The following LAMA2 variants were observed in gnomAD, a reference collection of about 807,000 sequenced individuals.
LAMA2 encodes laminin subunit alpha 2, also known as laminin subunit alpha-2.
Under a neutral mutation model 364.8 loss-of-function variants are expected in LAMA2, and 269 were observed. The ratio of observed to expected loss-of-function variants is 0.74; its 90% confidence interval spans 0.67 to 0.82. The LOEUF (loss-of-function observed/expected upper bound fraction) is 0.82, where lower values mean the gene tolerates loss of function less well. Ranked by LOEUF, LAMA2 falls within the 40% of genes least tolerant of loss-of-function variation. The probability of loss-of-function intolerance (pLI) is 0.00; values close to 1 mark genes in which losing one functional copy is unlikely to be tolerated. For synonymous variants in LAMA2, 1,379 were observed against 1,370.6 expected (o/e 1.01, Z -0.14); for missense variants, 3,807 against 3,873.2 (o/e 0.98, Z 0.45).
At chr6:129,133,582 A>C (rs1465188573) in intron 4 of LAMA2, among the ~76,000 whole-genome samples, 1 of 152,194 alleles carries the variant, frequency 6.6e-6, no homozygotes, top group Non-Finnish European at 1.5e-5. Context: ...TCCAGTTTGC[A>C]TACACACAAT....
intron 17 of LAMA2, among the ~76,000 whole-genome samples, chr6:129,278,678 A>G (rs1219630899): frequency 6.6e-6 from 1 of 152,278 alleles, no homozygotes; most frequent in South Asian, 2.1e-4. Context: ...TCTGCTGTTC[A>G]TCACAGCTAC....
rs560183075 is a variant in LAMA2 at position 129,452,851 on chromosome 6, G to A, written c.6430-137G>A. On this transcript the variant is annotated intron_variant, in intron 45 of 64. Coordinates refer to ENST00000421865, the MANE Select transcript of LAMA2 (RefSeq NM_000426.4). ...AATGAGTATAATGGTGTCTGCATAT[G>A]GGTGTTTAATGATAGTATTTGATGA... The A allele has an allele frequency of 6.7e-6, 5 of 746,364 alleles. No homozygotes were observed. In the East Asian group the frequency reaches 1.1e-4, roughly 16 times the overall value. 46.2% of individuals were successfully genotyped at this position (746,364 alleles called of 1,614,324 possible).
chr6:129,231,724 G>A (rs1784680246), intron 12 of LAMA2, among the ~76,000 whole-genome samples: 1 of 148,828 alleles, frequency 6.7e-6, no homozygotes, highest in Admixed American at 6.7e-5. Context: ...TTACATTGAT[G>A]ATTAAAATAG....
intron 28 of LAMA2, among the ~76,000 whole-genome samples, 160 bp from the exon 29 acceptor site, chr6:129,328,118 A>ACAC (rs1583502979): frequency 6.6e-6 from 1 of 152,232 alleles, no homozygotes; most frequent in African/African-American, 2.4e-5. Context: ...AGGAAGAAAT[A>ACAC]CACATTAAGT....
intron 1 of LAMA2, among the ~76,000 whole-genome samples, chr6:129,015,179 T>G (rs1280425277): frequency 6.6e-6 from 1 of 152,142 alleles, no homozygotes; most frequent in African/African-American, 2.4e-5. Context: ...AAAGTAGTCA[T>G]AATTAATTAT....
chr6:129,511,261 CTTTT>C (rs35249760), intron 62 of LAMA2, among the ~76,000 whole-genome samples: 1 of 151,816 alleles, frequency 6.6e-6, no homozygotes, highest in Non-Finnish European at 1.5e-5. Context: ...ATCACTGGGG[CTTTT>C]TTTTGGCCTC....
chr6:129,511,760 A>G (rs891310620), intron 62 of LAMA2, among the ~76,000 whole-genome samples: 2 of 86,678 alleles, frequency 2.3e-5, no homozygotes, highest in Non-Finnish European at 5.9e-5. Flanking sequence ...ATGGAAAATC[A>G]TAGAGGAAAG....
chr6:128,971,583 G>A (rs528314461), intron 1 of LAMA2, among the ~76,000 whole-genome samples: 59 of 152,274 alleles, frequency 3.9e-4, no homozygotes, highest in African/African-American at 1.4e-3. Context: ...TCCAGGCAGA[G>A]TGTCTAGAAG....
chr6:129,005,241 C>A (rs1447034585), intron 1 of LAMA2, among the ~76,000 whole-genome samples: 2 of 151,834 alleles, frequency 1.3e-5, no homozygotes. Context: ...TTTTAATTCT[C>A]CCTCTCTTCC....
chr6:128,924,757 T>C (rs1016193369), intron 1 of LAMA2, among the ~76,000 whole-genome samples: 2 of 152,200 alleles, frequency 1.3e-5, no homozygotes, highest in Admixed American at 1.3e-4. Context: ...GACTCCACTG[T>C]AGGCCAACCA....
chr6:129,244,731 A>G (rs1018226286), intron 12 of LAMA2, among the ~76,000 whole-genome samples: 26 of 152,174 alleles, frequency 1.7e-4, no homozygotes, highest in African/African-American at 5.8e-4. Flanking sequence ...GAGAGGGAAA[A>G]AAAAAGAGGC....
intron 12 of LAMA2, among the ~76,000 whole-genome samples, chr6:129,236,264 T>C: frequency 6.6e-6 from 1 of 152,214 alleles, no homozygotes; most frequent in South Asian, 2.1e-4. Flanking sequence ...AAGTTCTATT[T>C]CTGTGAGATA....
At position 129,038,108 on chromosome 6, in the gene LAMA2, A is replaced by G. The variant is rs180673500; in HGVS notation, c.113-11810A>G. ...GAAAATAAAGAGCACATTAAAAAAT[A>G]ACTAGATGGAAATTTTCACTGTGAA... On this transcript the variant is annotated intron_variant, in intron 1 of 64. Coordinates refer to ENST00000421865, the MANE Select transcript of LAMA2 (RefSeq NM_000426.4). 2.0e-5 allele frequency among the ~76,000 whole-genome samples: 3 copies of G among 152,346 alleles called. No homozygotes were observed. In the East Asian group the frequency reaches 5.8e-4, roughly 29 times the overall value.
intron 1 of LAMA2, among the ~76,000 whole-genome samples, chr6:129,014,432 G>A (rs536937402): frequency 6.6e-6 from 1 of 152,208 alleles, no homozygotes; most frequent in South Asian, 2.1e-4. Flanking sequence ...TATTTGTTGA[G>A]TACCAGAAAT....
chr6:129,469,291 C>T (rs9388708), intron 51 of LAMA2, among the ~76,000 whole-genome samples: 25,770 of 151,696 alleles, frequency 0.17, 2,370 homozygotes, highest in African/African-American at 0.24. Flanking sequence ...GAAGACAAAG[C>T]GAACAATTGG....
intron 40 of LAMA2, among the ~76,000 whole-genome samples, chr6:129,409,818 G>A (rs1780435971): frequency 6.6e-6 from 1 of 152,304 alleles, no homozygotes; most frequent in African/African-American, 2.4e-5. Context: ...GTCTGGACTT[G>A]TTGCAGAGCC....
intron 1 of LAMA2, 36 bp downstream of exon 1, chr6:128,883,393 G>A: frequency 6.4e-7 from 1 of 1,557,114 alleles, no homozygotes. Context: ...TGCATCCTTT[G>A]CCGGGACCGA....
chr6:128,926,787 T>C (rs1359012234), intron 1 of LAMA2, among the ~76,000 whole-genome samples: 1 of 152,234 alleles, frequency 6.6e-6, no homozygotes, highest in Non-Finnish European at 1.5e-5. Flanking sequence ...ATATCTAATG[T>C]AGTGTTAAAG....
At chr6:129,043,607 A>T (rs1453784299) in intron 1 of LAMA2, among the ~76,000 whole-genome samples, 2 of 152,122 alleles carry the variant, frequency 1.3e-5, no homozygotes, top group African/African-American at 4.8e-5. Context: ...CATCTGGTTG[A>T]TCTCAGTACA....
Sources: allele counts gnomAD v4.1 joint callset (sites outside exome capture counted in the v4.1 genomes callset), GRCh38; gene constraint gnomAD v4.1.1; transcripts MANE v1.5; gene names NCBI Gene and HGNC (gene_info 2026-07-23, HGNC 2026-07-21).